The following LOC122539214 variants were observed in gnomAD, a reference collection of about 807,000 sequenced individuals.
At chr19:52,669,116 C>G in the LOC122539214 span, among the ~76,000 whole-genome samples, 1 of 152,168 alleles carries the variant, frequency 6.6e-6, no homozygotes, top group Non-Finnish European at 1.5e-5. Flanking sequence ...TTATGGTGGA[C>G]CTTTACTGGA....
the LOC122539214 span, among the ~76,000 whole-genome samples, chr19:52,682,112 CT>C: frequency 6.6e-6 from 1 of 152,060 alleles, no homozygotes; most frequent in Non-Finnish European, 1.5e-5. Context: ...TCCCAAAGTG[CT>C]GGGATTACGG....
the LOC122539214 span, among the ~76,000 whole-genome samples, chr19:52,690,182 G>GAAA: frequency 2.1e-4 from 28 of 132,184 alleles, no homozygotes; most frequent in East Asian, 4.6e-4. Context: ...ATGATTTTGA[G>GAAA]AAAAAAAAAA....
At chr19:52,681,871 A>G in the LOC122539214 span, among the ~76,000 whole-genome samples, 28,685 of 152,182 alleles carry the variant, frequency 0.19, 3,240 homozygotes, top group East Asian at 0.35. Flanking sequence ...CTTTTAAGAC[A>G]GAGTCTCACT....
chr19:52,654,711 C>T, the LOC122539214 span, among the ~76,000 whole-genome samples: 4 of 151,380 alleles, frequency 2.6e-5, no homozygotes, highest in East Asian at 7.9e-4. Context: ...GAGCAAAATT[C>T]CATGTCAAAC....
At chr19:52,664,184 ATT>A in the LOC122539214 span, among the ~76,000 whole-genome samples, 48,296 of 141,838 alleles carry the variant, frequency 0.34, 8,135 homozygotes, top group East Asian at 0.58. Flanking sequence ...CACCAGGCCT[ATT>A]TTTTTTTTTT....
chr19:52,669,803 G>A, the LOC122539214 span, among the ~76,000 whole-genome samples: 2 of 152,124 alleles, frequency 1.3e-5, no homozygotes, highest in Non-Finnish European at 2.9e-5. Context: ...GCATCCGTGG[G>A]TTGGTGCAGA....
At chr19:52,688,121 A>T in the LOC122539214 span, among the ~76,000 whole-genome samples, 3 of 152,102 alleles carry the variant, frequency 2.0e-5, no homozygotes, top group Admixed American at 1.3e-4. Flanking sequence ...ACATGTCACA[A>T]CTAATCATAG....
chr19:52,659,345 G>A, the LOC122539214 span, among the ~76,000 whole-genome samples: 4 of 152,200 alleles, frequency 2.6e-5, no homozygotes, highest in East Asian at 1.9e-4. Context: ...GTGCCCACTC[G>A]AGGTTACCAC....
the LOC122539214 span, among the ~76,000 whole-genome samples, chr19:52,690,182 G>GAAAAAAAA: frequency 7.6e-6 from 1 of 132,186 alleles, no homozygotes; most frequent in Non-Finnish European, 1.6e-5. Context: ...ATGATTTTGA[G>GAAAAAAAA]AAAAAAAAAA....
the LOC122539214 span, chr19:52,674,381 C>T: frequency 1.3e-5 from 2 of 152,310 alleles, no homozygotes; most frequent in African/African-American, 2.4e-5. Flanking sequence ...GATGCTAGAA[C>T]GTTCTCACCC....
At chr19:52,671,229 A>C in the LOC122539214 span, among the ~76,000 whole-genome samples, 1 of 152,178 alleles carries the variant, frequency 6.6e-6, no homozygotes, top group Non-Finnish European at 1.5e-5. Flanking sequence ...GACTCTTTAC[A>C]TAGGAATTTG....
At chr19:52,663,893 A>G in the LOC122539214 span, among the ~76,000 whole-genome samples, 2 of 152,146 alleles carry the variant, frequency 1.3e-5, no homozygotes, top group African/African-American at 2.4e-5. Flanking sequence ...ATTTTACTTT[A>G]TTTTATTTTA....
the LOC122539214 span, among the ~76,000 whole-genome samples, chr19:52,659,670 C>T: frequency 6.8e-6 from 1 of 147,308 alleles, no homozygotes; most frequent in African/African-American, 2.5e-5. Flanking sequence ...AAGAAAGGAA[C>T]AGAAAAGCTT....
At chr19:52,673,601 T>C in the LOC122539214 span, among the ~76,000 whole-genome samples, 1 of 152,144 alleles carries the variant, frequency 6.6e-6, no homozygotes, top group South Asian at 2.1e-4. Context: ...AAAGCTGTTT[T>C]CCCAAGTAAT....
At chr19:52,688,085 T>TTATTAGATTATATTAGATTATTAGATTA in the LOC122539214 span, among the ~76,000 whole-genome samples, 1 of 152,076 alleles carries the variant, frequency 6.6e-6, no homozygotes, top group African/African-American at 2.4e-5. Context: ...AAGTTTTAAA[T>TTATTAGATTATATTAGATTATTAGATTA]TATTAGATTA....
the LOC122539214 span, among the ~76,000 whole-genome samples, chr19:52,664,794 C>T: frequency 2.4e-4 from 36 of 151,382 alleles, no homozygotes; most frequent in East Asian, 6.3e-3. Context: ...GTGAGGGGTT[C>T]GCAGGGGAAT....
At chr19:52,673,505 C>A in the LOC122539214 span, among the ~76,000 whole-genome samples, 1 of 151,768 alleles carries the variant, frequency 6.6e-6, no homozygotes, top group African/African-American at 2.4e-5. Context: ...CTCCATCACA[C>A]ACACACACAC....
the LOC122539214 span, among the ~76,000 whole-genome samples, chr19:52,675,595 G>A: frequency 6.6e-6 from 1 of 152,118 alleles, no homozygotes; most frequent in Non-Finnish European, 1.5e-5. Context: ...GTGTTGGAGG[G>A]GATGGGCTCA....
the LOC122539214 span, chr19:52,655,644 T>G: frequency 7.2e-7 from 1 of 1,396,880 alleles, no homozygotes; most frequent in Admixed American, 1.7e-5. Flanking sequence ...TTTCCACTCC[T>G]CCAAAGAGAA....
Sources: allele counts gnomAD v4.1 joint callset (sites outside exome capture counted in the v4.1 genomes callset), GRCh38; gene constraint gnomAD v4.1.1; transcripts MANE v1.5.